VAMP1: variants seen among roughly 807,000 people sequenced by gnomAD.
VAMP1 encodes the protein vesicle associated membrane protein 1, also known as vesicle-associated membrane protein 1.
VAMP1 carries 16 observed loss-of-function variants against 19.1 expected under a neutral mutation model. The observed-to-expected ratio is 0.84, with a 90% CI of 0.57 to 1.27. VAMP1 has a LOEUF of 1.27. Ranked by LOEUF, VAMP1 falls within the 50% of genes most tolerant of loss-of-function variation. The pLI, the probability that VAMP1 is intolerant of heterozygous loss-of-function variation, is 0.00. For synonymous variants in VAMP1, 37 were observed against 50.2 expected (o/e 0.74, Z 1.11); for missense variants, 109 against 145.4 (o/e 0.75, Z 1.29).
chr12:6,462,581 G>A lies in VAMP1; in HGVS notation c.*1889C>T, dbSNP rs891729369. 2 of 577,650 alleles carry A rather than the reference G, an allele frequency of 3.5e-6. No homozygotes were observed. Among genetic ancestry groups the A allele is most frequent in the Non-Finnish European group, 6.1e-6 (2 of 327,462 alleles). The allele number at this position is 577,650 out of a possible 1,614,324, so 35.8% of individuals were successfully genotyped here. On this transcript the variant is annotated 3_prime_UTR_variant, in exon 5 of 5. Coordinates refer to ENST00000396308, the MANE Select transcript of VAMP1 (RefSeq NM_014231.5). ...GGTGGGTGAGAAAGAAAGTAGAAGG[G>A]CTAATACCCCCAAAGAACAAGGCCA...
intron 3 of VAMP1, chr12:6,465,175 T>C: frequency 1.8e-6 from 1 of 552,728 alleles, no homozygotes; most frequent in Non-Finnish European, 3.2e-6. Context: ...ATTGAGCTCC[T>C]TTTTGCTTAG....
intron 1 of VAMP1, among the ~76,000 whole-genome samples, chr12:6,468,330 A>C (rs1024554777): frequency 6.6e-6 from 1 of 152,214 alleles, no homozygotes; most frequent in Non-Finnish European, 1.5e-5. Context: ...TATGCTTCAC[A>C]CAAGATGAGG....
chr12:6,464,685 A>G, intron 4 of VAMP1, 199 bp from the exon 5 acceptor site: 2 of 1,489,662 alleles, frequency 1.3e-6, no homozygotes, highest in South Asian at 1.4e-5. Flanking sequence ...ATCTCCCTGC[A>G]ATGCGTTGCA....
At chr12:6,469,111 TCCCC>T (rs1045830622) in intron 1 of VAMP1, among the ~76,000 whole-genome samples, 2 of 152,160 alleles carry the variant, frequency 1.3e-5, no homozygotes, top group Non-Finnish European at 2.9e-5. Context: ...CCTGACTCAT[TCCCC>T]ATTTGAAGAA....
chr12:6,462,986 GGAA>G lies in VAMP1; in HGVS notation c.*1481_*1483del. 2 of 1,551,070 alleles carry G rather than the reference GGAA, an allele frequency of 1.3e-6. No individual in the cohort carries two copies. Among genetic ancestry groups the G allele is most frequent in the Non-Finnish European group, 1.7e-6 (2 of 1,147,110 alleles). On this transcript the variant is annotated 3_prime_UTR_variant, in exon 5 of 5. Coordinates refer to ENST00000396308, the MANE Select transcript of VAMP1 (RefSeq NM_014231.5). Reference sequence around the variant, plus strand: ...AGCCTCTTCCTGTTCGTGGACCGAGGGAAGAAGGAATAAAGGGCCATGGGCATT... The same window carrying G: ...AGCCTCTTCCTGTTCGTGGACCGAGGGAAGGAATAAAGGGCCATGGGCATT...
rs1424452490 is a variant in VAMP1, at chr12:6,465,992, G to A, written c.138C>T (p.Asp46=). Residue 46 remains aspartate (D), a synonymous_variant, in exon 3 of 5, where the codon GAC becomes GAT. Coordinates refer to ENST00000396308, the MANE Select transcript of VAMP1 (RefSeq NM_014231.5). Reference sequence around the variant, plus strand: ...CCTTGTCCACGTTCACACGTATGATGTCCACCACCTGAGGAGGGCACAGAA... The same window carrying A: ...CCTTGTCCACGTTCACACGTATGATATCCACCACCTGAGGAGGGCACAGAA... The part of the protein sequence containing the change: ...QTQAQVEEVV[D]IIRVNVDKVL... 3.1e-6 allele frequency: 5 copies of A among 1,614,244 alleles called. No individual in the cohort carries two copies. In the Admixed American group the frequency reaches 5.0e-5, roughly 16 times the overall value.
intron 4 of VAMP1, 24 bp downstream of exon 4, chr12:6,464,866 A>G (rs1418099689): frequency 6.2e-7 from 1 of 1,613,958 alleles, no homozygotes; most frequent in African/African-American, 1.3e-5. Context: ...TCTTCACCCC[A>G]CCAGCAACTT....
chr12:6,464,810 C>CCAGG (rs993116216), intron 4 of VAMP1, 80 bp downstream of exon 4: 58 of 1,604,094 alleles, frequency 3.6e-5, no homozygotes, highest in South Asian at 1.2e-4. Context: ...GCCCCACTCC[C>CCAGG]CAGGCAGGCA....
chr12:6,470,164 G>C (rs1462216803), intron 1 of VAMP1, among the ~76,000 whole-genome samples: 2 of 152,310 alleles, frequency 1.3e-5, no homozygotes, highest in African/African-American at 2.4e-5. Flanking sequence ...GATTTAGCCA[G>C]ATGACAGAAA....
intron 4 of VAMP1, 82 bp downstream of exon 4, chr12:6,464,808 C>T: frequency 1.2e-6 from 2 of 1,603,702 alleles, no homozygotes; most frequent in South Asian, 1.1e-5. Flanking sequence ...CAGCCCCACT[C>T]CCCAGGCAGG....
Position 6,470,586 on chromosome 12 carries a change from C to G in VAMP1, c.-55G>C. The G allele has an allele frequency of 6.2e-7, 1 of 1,612,160 alleles. No individual in the cohort carries two copies. Among genetic ancestry groups the G allele is most frequent in the South Asian group, 1.1e-5 (1 of 90,962 alleles). ...CCTCTCCGGAGGCTGCGGCGAGACACCCGGTGAGGGACGCTGCGGCTGAAG... is the reference window on the plus strand; with the variant it reads ...CCTCTCCGGAGGCTGCGGCGAGACAGCCGGTGAGGGACGCTGCGGCTGAAG... On this transcript the variant is annotated 5_prime_UTR_variant, in exon 1 of 5. Transcript: ENST00000396308.
chr12:6,464,236 G>A lies in VAMP1; in HGVS notation c.*234C>T, dbSNP rs921362041. The A allele has an allele frequency of 6.6e-7, 1 of 1,518,854 alleles. No homozygotes were observed. The highest frequency in any genetic ancestry group is 1.4e-5 in the African/African-American group (1 of 72,574). The allele number at this position is 1,518,854 out of a possible 1,614,324, so 94.1% of individuals were successfully genotyped here. ...TGAGAGTACAGAAAAAGCAGGCAGG[G>A]AGGAGGCGCCAGCTGTTGCTCTTCG... is the stretch of plus-strand genomic sequence containing the variant. On this transcript the variant is annotated 3_prime_UTR_variant, in exon 5 of 5. Coordinates refer to ENST00000396308, the MANE Select transcript of VAMP1 (RefSeq NM_014231.5).
rs571932504 is a variant in VAMP1 at position 6,467,512 on chromosome 12, G to GTTC, written c.3-1162_3-1161insGAA. On this transcript the variant is annotated intron_variant, in intron 1 of 4. Coordinates refer to ENST00000396308, the MANE Select transcript of VAMP1 (RefSeq NM_014231.5). ...CTGCCCTAGAAATTTGTGGAACTTT[G>GTTC]AACTTGAGAGAGATAATTTAGGGTA... Among the ~76,000 whole-genome samples, 92 of 152,332 alleles carry GTTC rather than the reference G, an allele frequency of 6.0e-4. 1 individual carries two copies. In the South Asian group the frequency reaches 0.018, roughly 29 times the overall value.
chr12:6,463,792 C>T lies in VAMP1; in HGVS notation c.*678G>A. The T allele has an allele frequency of 8.4e-7, 1 of 1,188,014 alleles. No individual in the cohort carries two copies. Among genetic ancestry groups the T allele is most frequent in the South Asian group, 1.6e-5 (1 of 63,084 alleles). 73.6% of individuals were successfully genotyped at this position (1,188,014 alleles called of 1,614,324 possible). ...ACTGCTTCTAGGATGGAAACAAGTC[C>T]TGCTATTTTCACAATCCCTAAGTGT... On this transcript the variant is annotated 3_prime_UTR_variant, in exon 5 of 5. Coordinates refer to ENST00000396308, the MANE Select transcript of VAMP1 (RefSeq NM_014231.5). This position sits in a 1 kb window ranked among gnomAD's most constrained non-coding sequence, Gnocchi z 4.0.
chr12:6,466,357 G>A lies in VAMP1; in HGVS notation c.3-6C>T, dbSNP rs749846681. 4.0e-5 allele frequency: 64 copies of A among 1,612,392 alleles called. No individual in the cohort carries two copies. Among genetic ancestry groups the A allele is most frequent in the Admixed American group, 8.4e-5 (5 of 59,632 alleles). ...GTGGCTGAGCTGGAGCAGACCTGTGGAAAGACATGTGCAGAGTACACAAAG... is the reference window on the plus strand; with the variant it reads ...GTGGCTGAGCTGGAGCAGACCTGTGAAAAGACATGTGCAGAGTACACAAAG... On this transcript the variant is annotated splice_region_variant and splice_polypyrimidine_tract_variant and intron_variant, in intron 1 of 4. Coordinates refer to ENST00000396308, the MANE Select transcript of VAMP1 (RefSeq NM_014231.5).
chr12:6,468,704 G>A (rs1003155929), intron 1 of VAMP1, among the ~76,000 whole-genome samples: 4 of 152,154 alleles, frequency 2.6e-5, no homozygotes, highest in Non-Finnish European at 4.4e-5. Context: ...CTCAAAGTTA[G>A]TGTGTGGTCT....
Position 6,464,392 on chromosome 12 carries a change from G to A in VAMP1, c.*78C>T, listed in dbSNP as rs780448354. The A allele has an allele frequency of 1.9e-6, 3 of 1,554,370 alleles. No homozygotes were observed. Among genetic ancestry groups the A allele is most frequent in the South Asian group, 1.2e-5 (1 of 84,196 alleles). On this transcript the variant is annotated 3_prime_UTR_variant, in exon 5 of 5. Coordinates refer to ENST00000396308, the MANE Select transcript of VAMP1 (RefSeq NM_014231.5). ...GGAATGGAGGACGGTGGGTGGGGAA[G>A]TGTGTTGAGAGAGCAAACAGAGGGC...
Position 6,470,513 on chromosome 12 carries a change from C to A in VAMP1, c.2+17G>T, listed in dbSNP as rs367734911. The A allele has an allele frequency of 1.2e-6, 2 of 1,614,028 alleles. No individual in the cohort carries two copies. The highest frequency in any genetic ancestry group is 1.7e-6 in the Non-Finnish European group (2 of 1,179,902). On this transcript the variant is annotated intron_variant, in intron 1 of 4. Coordinates refer to ENST00000396308, the MANE Select transcript of VAMP1 (RefSeq NM_014231.5). The stretch of plus-strand genomic sequence containing the variant: ...TTGTCAAGGAGGTGCCGAGCCCCCA[C>A]ACCAGAGTCAACTCACATTTTTCTG...
rs1949927604 is a variant in VAMP1, at chr12:6,463,273, T to G, written c.*1197A>C. 1 of 1,337,512 alleles carries G rather than the reference T, an allele frequency of 7.5e-7. No individual in the cohort carries two copies. The highest frequency in any genetic ancestry group is 3.3e-5 in the Admixed American group (1 of 30,328). 82.9% of individuals were successfully genotyped at this position (1,337,512 alleles called of 1,614,324 possible). A position where few individuals can be genotyped will look rare whatever the true frequency, so the allele number is the denominator to read the frequency against. ...GGCGGCTCTCAAGGAGAGGGCCCCATGACAGCACAGCAATACACAAGCACA... is the reference window on the plus strand; with the variant it reads ...GGCGGCTCTCAAGGAGAGGGCCCCAGGACAGCACAGCAATACACAAGCACA... On this transcript the variant is annotated 3_prime_UTR_variant, in exon 5 of 5. Transcript: ENST00000396308. This position sits in a 1 kb window ranked among gnomAD's most constrained non-coding sequence, Gnocchi z 4.0.
Sources: gnomAD v4.1 joint callset for allele counts (sites outside exome capture counted in the v4.1 genomes callset) on GRCh38, gnomAD v4.1.1 for gene constraint, Gnocchi (gnomAD v3.1) non-coding constraint, MANE v1.5 for transcripts, NCBI Gene and HGNC (gene_info 2026-07-23, HGNC 2026-07-21) for gene names.